The following CMIP variants were observed in gnomAD, a reference collection of about 807,000 sequenced individuals.
CMIP encodes C-Maf-inducing protein.
In CMIP, 13 loss-of-function variants were observed where a neutral mutation model predicts 97.3. That is an observed-to-expected ratio of 0.13 (90% CI 0.09 to 0.21). The LOEUF is 0.21. Among genes scored for constraint, CMIP ranks in the 10% least tolerant of loss-of-function variants. The pLI, the probability that CMIP is intolerant of heterozygous loss-of-function variation, is 1.00. For synonymous variants in CMIP, 538 were observed against 436.3 expected (o/e 1.23, Z -2.91); for missense variants, 847 against 1,024.9 (o/e 0.83, Z 2.37).
At chr16:81,646,812 C>G (rs1177539377) in intron 3 of CMIP, among the ~76,000 whole-genome samples, 1 of 152,146 alleles carries the variant, frequency 6.6e-6, no homozygotes, top group Admixed American at 6.5e-5. Context: ...TAATTCAATC[C>G]TTTTTATTGC....
intron 1 of CMIP, among the ~76,000 whole-genome samples, chr16:81,551,151 A>G (rs767201409): frequency 4.9e-5 from 7 of 141,746 alleles, no homozygotes; most frequent in Non-Finnish European, 9.1e-5. Context: ...CATCACACAC[A>G]CCCCAGTTCC....
rs1373303868 is a variant in CMIP at position 81,457,250 on chromosome 16, A to G, written c.300+11709A>G. On this transcript the variant is annotated intron_variant, in intron 1 of 20. Coordinates refer to ENST00000537098, the MANE Select transcript of CMIP (RefSeq NM_198390.3). ...AGGGCTTGCTCCCCTGTGGCGCGGC[A>G]CCACCCCAGCTGGGCAGCCAGGTCG... is the stretch of plus-strand genomic sequence containing the variant. Among the ~76,000 whole-genome samples, 7 of 151,618 alleles carry G rather than the reference A, an allele frequency of 4.6e-5. 1 individual carries two copies. Among genetic ancestry groups the G allele is most frequent in the Admixed American group, 2.0e-4 (3 of 15,230 alleles).
At chr16:81,584,751 G>C (rs1232931553) in intron 1 of CMIP, among the ~76,000 whole-genome samples, 6 of 152,168 alleles carry the variant, frequency 3.9e-5, no homozygotes, top group African/African-American at 1.4e-4. Flanking sequence ...TTCTGTTCTT[G>C]AATTGGCCTC....
intron 1 of CMIP, among the ~76,000 whole-genome samples, chr16:81,552,381 C>T (rs1183520474): frequency 1.3e-5 from 2 of 152,202 alleles, no homozygotes; most frequent in Non-Finnish European, 2.9e-5. Context: ...GATCAATCAT[C>T]TTACAGTCCT....
At chr16:81,496,588 G>A (rs1371250843) in intron 1 of CMIP, among the ~76,000 whole-genome samples, 7 of 152,214 alleles carry the variant, frequency 4.6e-5, no homozygotes, top group African/African-American at 1.7e-4. Context: ...TAGCAAAGTG[G>A]GGTGCGGGAG....
In CMIP at chr16:81,627,713, G is replaced by A. The variant is rs945264983; in HGVS notation, c.477+6787G>A. 3.3e-5 allele frequency among the ~76,000 whole-genome samples: 5 copies of A among 152,174 alleles called. No homozygotes were observed. The highest frequency in any genetic ancestry group is 1.9e-4 in the East Asian group (1 of 5,202). On this transcript the variant is annotated intron_variant, in intron 3 of 20. Coordinates refer to ENST00000537098, the MANE Select transcript of CMIP (RefSeq NM_198390.3). This position sits in a 1 kb window ranked among gnomAD's most constrained non-coding sequence, Gnocchi z 4.6. Reference sequence around the variant, plus strand: ...CATCTCATAGCAGAGGGGACTGAGCGTCCAAGTGGATAAAGGATGAGGATA... The same window carrying A: ...CATCTCATAGCAGAGGGGACTGAGCATCCAAGTGGATAAAGGATGAGGATA...
At position 81,550,005 on chromosome 16, in the gene CMIP, G is replaced by A. The variant is rs189976235; in HGVS notation, c.301-57562G>A. The stretch of plus-strand genomic sequence containing the variant: ...TGTGCATATTTAAATGCGCTCACCC[G>A]TGTGCGTGGGCAAATGTGTGCACAT... On this transcript the variant is annotated intron_variant, in intron 1 of 20. Coordinates refer to ENST00000537098, the MANE Select transcript of CMIP (RefSeq NM_198390.3). 2.5e-4 allele frequency among the ~76,000 whole-genome samples: 38 copies of A among 152,326 alleles called. No individual in the cohort carries two copies. The South Asian group carries it at 3.5e-3, about 14-fold the overall frequency.
chr16:81,573,098 C>A (rs1012699955), intron 1 of CMIP, among the ~76,000 whole-genome samples: 10 of 152,358 alleles, frequency 6.6e-5, no homozygotes, highest in Middle Eastern at 3.4e-3. Context: ...AATCCCAGCA[C>A]TTCGGGAGGC....
At chr16:81,605,588 A>G (rs145560418) in intron 1 of CMIP, among the ~76,000 whole-genome samples, 120 of 152,226 alleles carry the variant, frequency 7.9e-4, no homozygotes, top group African/African-American at 2.7e-3. Flanking sequence ...TCTCCAACGC[A>G]TCGCTTACCC....
intron 1 of CMIP, among the ~76,000 whole-genome samples, chr16:81,565,033 C>T (rs561713774): frequency 1.3e-5 from 2 of 151,506 alleles, no homozygotes; most frequent in African/African-American, 2.4e-5. Flanking sequence ...AGGTAGTGCT[C>T]GGGGGTGCCT....
At chr16:81,536,115 A>C (rs1455753098) in intron 1 of CMIP, among the ~76,000 whole-genome samples, 1 of 152,188 alleles carries the variant, frequency 6.6e-6, no homozygotes, top group African/African-American at 2.4e-5. Flanking sequence ...AGCCATAACC[A>C]GCCAGTATGA....
intron 7 of CMIP, among the ~76,000 whole-genome samples, chr16:81,667,742 A>G (rs897483289): frequency 9.3e-5 from 11 of 118,302 alleles, no homozygotes; most frequent in East Asian, 2.9e-4. Flanking sequence ...TTTCTAACCC[A>G]GGAGGGAGGG....
At chr16:81,611,028 ATGAG>A (rs1278716462) in intron 2 of CMIP, among the ~76,000 whole-genome samples, 1 of 152,162 alleles carries the variant, frequency 6.6e-6, no homozygotes, top group Non-Finnish European at 1.5e-5. Flanking sequence ...TAGTCAGCAG[ATGAG>A]TGAAAGTGCC....
At position 81,671,845 on chromosome 16, in the gene CMIP, C is replaced by CA. The variant is rs924349410; in HGVS notation, c.930-119dup. The CA allele has an allele frequency of 5.2e-6, 3 of 574,876 alleles. No homozygotes were observed. In the African/African-American group the frequency reaches 5.6e-5, roughly 11 times the overall value. 35.6% of individuals were successfully genotyped at this position (574,876 alleles called of 1,614,324 possible). ...CACAGTGAAGGCTCTCAGAGCCCCCCAAGTGGCGCTGGCAGAGCGGGCAGC... is the reference window on the plus strand; with the variant it reads ...CACAGTGAAGGCTCTCAGAGCCCCCCAAAGTGGCGCTGGCAGAGCGGGCAGC... On this transcript the variant is annotated intron_variant, in intron 8 of 20. Coordinates refer to ENST00000537098, the MANE Select transcript of CMIP (RefSeq NM_198390.3).
intron 1 of CMIP, among the ~76,000 whole-genome samples, chr16:81,554,447 A>G (rs1457238743): frequency 6.6e-6 from 1 of 152,324 alleles, no homozygotes; most frequent in East Asian, 1.9e-4. Flanking sequence ...GGCAGACATC[A>G]ATAATCAATC....
chr16:81,565,824 G>A (rs1045941484), intron 1 of CMIP, among the ~76,000 whole-genome samples: 7 of 152,166 alleles, frequency 4.6e-5, no homozygotes, highest in Non-Finnish European at 7.4e-5. Flanking sequence ...GCACGGCGCC[G>A]CCTCCTTCAG....
At chr16:81,622,917 G>A (rs889439533) in intron 3 of CMIP, among the ~76,000 whole-genome samples, 6 of 152,250 alleles carry the variant, frequency 3.9e-5, no homozygotes, top group African/African-American at 1.4e-4. Flanking sequence ...CAAATGTCAA[G>A]GATTGGCCAG....
At chr16:81,629,558 C>G (rs981819334) in intron 3 of CMIP, among the ~76,000 whole-genome samples, 2 of 152,248 alleles carry the variant, frequency 1.3e-5, no homozygotes, top group Non-Finnish European at 2.9e-5. Flanking sequence ...TCCTCCCTCT[C>G]TGTCTCCTTT....
intron 1 of CMIP, among the ~76,000 whole-genome samples, chr16:81,477,501 T>G (rs1306373911): frequency 6.6e-6 from 1 of 152,216 alleles, no homozygotes; most frequent in East Asian, 1.9e-4. Context: ...GTATGGACTG[T>G]GCATCCAGGT....
Sources: gnomAD v4.1 joint callset for allele counts (sites outside exome capture counted in the v4.1 genomes callset) on GRCh38, gnomAD v4.1.1 for gene constraint, Gnocchi (gnomAD v3.1) non-coding constraint, MANE v1.5 for transcripts, NCBI Gene and HGNC (gene_info 2026-07-23, HGNC 2026-07-21) for gene names.